Variants in BTBD8 observed in about 807,000 individuals in gnomAD.
The protein encoded by BTBD8 is BTB domain containing 8.
BTBD8 carries 110 observed loss-of-function variants against 162.9 expected under a neutral mutation model. The observed-to-expected ratio is 0.68, with a 90% CI of 0.58 to 0.79. BTBD8 has a LOEUF of 0.79. Ranked by LOEUF, BTBD8 falls within the 30% of genes least tolerant of loss-of-function variation. The probability of loss-of-function intolerance (pLI) is 0.00; values close to 1 mark genes in which losing one functional copy is unlikely to be tolerated. For synonymous variants in BTBD8, 667 were observed against 716.1 expected, an observed-to-expected ratio of 0.93 and a Z score of 1.10; for missense variants, 1,905 against 2,085.4, an observed-to-expected ratio of 0.91 and a Z score of 1.68.
Position 92,181,736 on chromosome 1 carries a change from T to A in BTBD8, c.4053T>A (p.Ser1351=). 6.4e-7 allele frequency: 1 copy of A among 1,551,538 alleles called. No individual in the cohort carries two copies. The highest frequency in any genetic ancestry group is 8.7e-7 in the Non-Finnish European group (1 of 1,146,960). The change falls in exon 17 of 18, where the codon TCT becomes TCA. Residue 1351 remains serine, a synonymous_variant. Transcript: ENST00000636805. ...CTAGGAAAAGGCCAGAAATTTGGTC[T>A]CGATCTGCAATAGTTCACTCTAGGG... ...EIPRKRPEIW[S]RSAIVHSRER...
intron 5 of BTBD8, among the ~76,000 whole-genome samples, chr1:92,130,243 T>C (rs780912023): frequency 4.6e-5 from 7 of 152,154 alleles, no homozygotes; most frequent in Non-Finnish European, 8.8e-5. Flanking sequence ...CATTTAACCT[T>C]AATTACTTTC....
intron 7 of BTBD8, among the ~76,000 whole-genome samples, chr1:92,146,943 G>T (rs1030269151): frequency 6.6e-6 from 1 of 152,074 alleles, no homozygotes; most frequent in Non-Finnish European, 1.5e-5. Flanking sequence ...GTGTAGAAAG[G>T]TGTTTTTAAG....
intron 2 of BTBD8, among the ~76,000 whole-genome samples, chr1:92,101,126 G>A (rs572838102): frequency 2.6e-5 from 4 of 152,182 alleles, no homozygotes; most frequent in African/African-American, 9.6e-5. Flanking sequence ...TCATTCTTAT[G>A]TCTTTGCATC....
intron 4 of BTBD8, among the ~76,000 whole-genome samples, chr1:92,119,893 CTTTTTTT>C (rs58297367): frequency 3.4e-5 from 2 of 58,384 alleles, no homozygotes; most frequent in Non-Finnish European, 3.0e-5. Flanking sequence ...CGGCCCTTTT[CTTTTTTT>C]TTTTTTTTTT....
intron 9 of BTBD8, 115 bp downstream of exon 9, chr1:92,147,901 G>A (rs1179900461): frequency 1.0e-5 from 9 of 871,464 alleles, no homozygotes; most frequent in Middle Eastern, 3.2e-4. Context: ...AGCAAGAGGC[G>A]TGAACCAATT....
intron 9 of BTBD8, among the ~76,000 whole-genome samples, chr1:92,155,048 T>G (rs1650129940): frequency 6.6e-6 from 1 of 152,174 alleles, no homozygotes; most frequent in Admixed American, 6.5e-5. Context: ...TCTTGGCACC[T>G]TTACTAAAGA....
In BTBD8 at chr1:92,182,559, A is replaced by G. The variant is rs1173094570; in HGVS notation, c.4876A>G (p.Thr1626Ala). 6 of 1,517,080 alleles carry G rather than the reference A, an allele frequency of 4.0e-6. No homozygotes were observed. The African/African-American group carries it at 4.2e-5, about 11-fold the overall frequency. 94.0% of individuals were successfully genotyped at this position (1,517,080 alleles called of 1,614,324 possible). Residue 1626 changes from threonine (T) to alanine (A), a missense_variant, in exon 17 of 18, where the codon ACA (threonine) becomes GCA (alanine). Thr to Ala is a moderately conservative substitution (Grantham distance 58). Transcript: ENST00000636805. ...AGGTCCAGTGAAAGAGAGCCATTCT[A>G]CAACTACTGAAAAAGCTAATATTGC... is the stretch of plus-strand genomic sequence containing the variant. ...QEGPVKESHS[T>A]TTEKANIALS...
chr1:92,101,630 T>C (rs1041906005), intron 2 of BTBD8, among the ~76,000 whole-genome samples: 6 of 152,248 alleles, frequency 3.9e-5, no homozygotes, highest in African/African-American at 1.4e-4. Flanking sequence ...TTTGGCATTA[T>C]ATATTACTTT....
At chr1:92,176,258 C>G (rs1487381783) in intron 13 of BTBD8, among the ~76,000 whole-genome samples, 2 of 152,086 alleles carry the variant, frequency 1.3e-5, no homozygotes, top group Non-Finnish European at 2.9e-5. Flanking sequence ...TCAAATTATG[C>G]TATATAGATG....
chr1:92,114,518 A>G (rs1648984256), intron 4 of BTBD8, among the ~76,000 whole-genome samples: 2 of 151,946 alleles, frequency 1.3e-5, no homozygotes, highest in African/African-American at 4.8e-5. Flanking sequence ...AGCACACATA[A>G]TTTTTTTTAT....
Position 92,080,463 on chromosome 1 carries a change from G to GTA in BTBD8, c.-109_-108insTA. ...GCGTCAACCTTTTACCCTAGGGGGC[G>GTA]GATTTGGGTAGGAGCCGAGCGTTCG... On this transcript the variant is annotated 5_prime_UTR_variant, in exon 1 of 18. Transcript: ENST00000636805. 1 of 1,493,912 alleles carries GTA rather than the reference G, an allele frequency of 6.7e-7. No homozygotes were observed. Among genetic ancestry groups the GTA allele is most frequent in the East Asian group, 2.4e-5 (1 of 41,882 alleles). 92.5% of individuals were successfully genotyped at this position (1,493,912 alleles called of 1,614,324 possible).
chr1:92,106,386 C>T (rs569958225), intron 3 of BTBD8, among the ~76,000 whole-genome samples: 2 of 152,118 alleles, frequency 1.3e-5, no homozygotes, highest in Admixed American at 1.3e-4. Flanking sequence ...TCCTGCCAGG[C>T]GTGGTGGCTC....
intron 5 of BTBD8, among the ~76,000 whole-genome samples, chr1:92,133,473 A>G (rs1204737391): frequency 1.3e-5 from 2 of 152,242 alleles, no homozygotes; most frequent in African/African-American, 4.8e-5. Flanking sequence ...TTGCATAACC[A>G]GCAGCTTCTT....
chr1:92,141,226 T>A lies in BTBD8; in HGVS notation c.930+15T>A. The A allele has an allele frequency of 6.4e-7, 1 of 1,571,220 alleles. No individual in the cohort carries two copies. The highest frequency in any genetic ancestry group is 1.7e-4 in the Middle Eastern group (1 of 5,842). On this transcript the variant is annotated intron_variant, in intron 7 of 17. Transcript: ENST00000636805. The stretch of plus-strand genomic sequence containing the variant: ...TCTTTCAGAAGGTAATTATTGAGCC[T>A]CAGAAATCTTTTATCCAGTGCATTG...
chr1:92,155,856 A>G (rs1601021), intron 9 of BTBD8, among the ~76,000 whole-genome samples: 96,458 of 151,878 alleles, frequency 0.64, 31,146 homozygotes, highest in East Asian at 0.97. Context: ...TGCTATATAT[A>G]AGATTATGTT....
chr1:92,135,641 AAATAC>A (rs1649616908), intron 5 of BTBD8, among the ~76,000 whole-genome samples: 1 of 152,190 alleles, frequency 6.6e-6, no homozygotes, highest in Admixed American at 6.5e-5. Context: ...TTTTAGTAAA[AAATAC>A]AATACAAATG....
chr1:92,090,942 A>AT (rs1236364514), intron 2 of BTBD8, among the ~76,000 whole-genome samples: 48 of 152,178 alleles, frequency 3.2e-4, no homozygotes, highest in East Asian at 5.8e-4. Flanking sequence ...AAAAAAAAAA[A>AT]TTTTTTATTA....
chr1:92,131,365 T>A (rs1649510644), intron 5 of BTBD8, among the ~76,000 whole-genome samples: 2 of 152,210 alleles, frequency 1.3e-5, no homozygotes, highest in African/African-American at 4.8e-5. Context: ...AGTGAGTTGT[T>A]TTCACTACTT....
rs1333756098 is a variant in BTBD8, at chr1:92,181,626, A to C, written c.3943A>C (p.Ser1315Arg). The C allele has an allele frequency of 6.4e-7, 1 of 1,550,500 alleles. No homozygotes were observed. The highest frequency in any genetic ancestry group is 8.7e-7 in the Non-Finnish European group (1 of 1,146,298). ...STPEELKIYDSNLRIEVKMKK... is the reference protein window; with the variant it reads ...STPEELKIYDRNLRIEVKMKK... ...TCCTGAAGAATTAAAAATTTATGAT[A>C]GTAATTTAAGAATTGAAGTAAAAAT... The change falls in exon 17 of 18, where the codon AGT (serine) becomes CGT (arginine). Residue 1315 changes from serine to arginine, a missense_variant. Ser to Arg is a moderately radical substitution (Grantham distance 110, BLOSUM62 -1). This residue lies in a region of BTBD8 where 517 missense variants were observed against 606.6 expected (regional missense o/e 0.85). Coordinates refer to ENST00000636805, the MANE Select transcript of BTBD8 (RefSeq NM_001376131.1).
Sources: gnomAD v4.1 joint callset for allele counts (sites outside exome capture counted in the v4.1 genomes callset) on GRCh38, gnomAD v4.1.1 for gene constraint, gnomAD v4.1.1 regional missense constraint, MANE v1.5 for transcripts, NCBI Gene and HGNC (gene_info 2026-07-23, HGNC 2026-07-21) for gene names.